Variants in HOXD11 observed in about 807,000 individuals in gnomAD.
HOXD11 encodes homeobox protein Hox-D11.
HOXD11 carries 16 observed loss-of-function variants against 23.1 expected under a neutral mutation model. The ratio of observed to expected loss-of-function variants is 0.69; its 90% CI spans 0.47 to 1.05. The LOEUF (loss-of-function observed/expected upper bound fraction) is 1.05, where lower values mean the gene tolerates loss of function less well. Ranked by LOEUF, HOXD11 falls within the 50% of genes least tolerant of loss-of-function variation. The pLI is 0.00. For synonymous variants in HOXD11, 262 were observed against 224.4 expected, an observed-to-expected ratio of 1.17 and a Z score of -1.50; for missense variants, 564 against 495.6, an observed-to-expected ratio of 1.14 and a Z score of -1.31.
rs756429393 is a variant in HOXD11, at chr2:176,107,779, A to C, written c.424A>C (p.Lys142Gln). ...GGGCCGCCGGCCGGACGTGCTCTTC[A>C]AGGCGCCTGAGCCGGTGTGCGCTGC... is the stretch of plus-strand genomic sequence containing the variant. ...PAGRRPDVLF[K>Q]APEPVCAAPG... is the part of the protein sequence containing the mutation. The change falls in exon 1 of 2, where the codon AAG becomes CAG. Residue 142 changes from lysine to glutamine, a missense_variant. Transcript: ENST00000249504. 6.1e-6 allele frequency: 8 copies of C among 1,310,284 alleles called. No individual in the cohort carries two copies. In the South Asian group the frequency reaches 1.6e-4, roughly 27 times the overall value. 81.2% of individuals were successfully genotyped at this position (1,310,284 alleles called of 1,614,324 possible).
chr2:176,107,853 C>A lies in HOXD11; in HGVS notation c.498C>A (p.Ser166Arg), dbSNP rs1236642625. Residue 166 changes from serine to arginine, a missense_variant, in exon 1 of 2, where the codon AGC (serine) becomes AGA (arginine). Physicochemically the swap from Ser to Arg is moderately radical, Grantham distance 110. Coordinates refer to ENST00000249504, the MANE Select transcript of HOXD11 (RefSeq NM_021192.3). ...GPAGAASNFY[S>R]AVGRNGILPQ... ...CGGGCGCCGCCTCCAACTTCTACAG[C>A]GCGGTGGGCCGCAATGGCATCTTGC... 10 of 1,448,758 alleles carry A rather than the reference C, an allele frequency of 6.9e-6. No individual in the cohort carries two copies. The highest frequency in any genetic ancestry group is 9.1e-6 in the Non-Finnish European group (10 of 1,098,230). 89.7% of individuals were successfully genotyped at this position (1,448,758 alleles called of 1,614,324 possible).
chr2:176,113,073 C>T (rs1008813639), downstream of HOXD11, among the ~76,000 whole-genome samples: 1 of 152,158 alleles, frequency 6.6e-6, no homozygotes, highest in Non-Finnish European at 1.5e-5. Context: ...TGGATAGACC[C>T]CTTATTGCAT....
chr2:176,111,850 C>A (rs1441065569), downstream of HOXD11, among the ~76,000 whole-genome samples: 6 of 38,426 alleles, frequency 1.6e-4, no homozygotes, highest in African/African-American at 7.2e-4. Context: ...AAAAAAAAAA[C>A]CTTCATCGGT....
chr2:176,115,212 T>C, the HOXD11 span, among the ~76,000 whole-genome samples: 1 of 152,216 alleles, frequency 6.6e-6, no homozygotes, highest in Non-Finnish European at 1.5e-5. Flanking sequence ...GACCATATCC[T>C]CTTCATAGAA....
Position 176,107,802 on chromosome 2 carries a change from TGCGCCGGGGCCGCCGCACGGCCCC to T in HOXD11, c.451_474del (p.Pro151_Ala158del), listed in dbSNP as rs1349742707. On this transcript the variant is annotated inframe_deletion, in exon 1 of 2. Transcript: ENST00000249504. ...TCAAGGCGCCTGAGCCGGTGTGCGCTGCGCCGGGGCCGCCGCACGGCCCCGCGGGCGCCGCCTCCAACTTCTACA... is the reference window on the plus strand; with the variant it reads ...TCAAGGCGCCTGAGCCGGTGTGCGCTGCGGGCGCCGCCTCCAACTTCTACA... The T allele has an allele frequency of 7.2e-7, 1 of 1,386,414 alleles. No individual in the cohort carries two copies. 85.9% of individuals were successfully genotyped at this position (1,386,414 alleles called of 1,614,324 possible).
chr2:176,107,754 G>T lies in HOXD11; in HGVS notation c.399G>T (p.Ala133=). The part of the protein sequence containing the change: ...AAMQRELLPP[A]GRRPDVLFKA... ...TGCAACGCGAGCTTCTCCCGCCCGC[G>T]GGCCGCCGGCCGGACGTGCTCTTCA... The change falls in exon 1 of 2, where the codon GCG becomes GCT. Residue 133 remains alanine, a synonymous_variant. Transcript: ENST00000249504. 1 of 1,210,748 alleles carries T rather than the reference G, an allele frequency of 8.3e-7. No homozygotes were observed. Among genetic ancestry groups the T allele is most frequent in the Non-Finnish European group, 1.0e-6 (1 of 978,042 alleles). 75.0% of individuals were successfully genotyped at this position (1,210,748 alleles called of 1,614,324 possible).
chr2:176,109,112 G>T lies in HOXD11; in HGVS notation c.987G>T (p.Leu329=). The T allele has an allele frequency of 6.2e-7, 1 of 1,613,800 alleles. No individual in the cohort carries two copies. The highest frequency in any genetic ancestry group is 8.5e-7 in the Non-Finnish European group (1 of 1,179,668). ...MKEKKLNRDR[L]QYFTGNPLF ...AAAAGAAACTGAACAGAGACCGTCT[G>T]CAGTATTTCACTGGAAACCCCTTAT... is the stretch of plus-strand genomic sequence containing the variant. Residue 329 remains leucine (L), a synonymous_variant, in exon 2 of 2, where the codon CTG becomes CTT. Coordinates refer to ENST00000249504, the MANE Select transcript of HOXD11 (RefSeq NM_021192.3).
chr2:176,115,604 T>C, the HOXD11 span, among the ~76,000 whole-genome samples: 2 of 152,230 alleles, frequency 1.3e-5, no homozygotes. Flanking sequence ...AGCCCAAGAA[T>C]GTAGATGAGA....
At chr2:176,108,168 C>CG in intron 1 of HOXD11, 32 bp downstream of exon 1, 1 of 407,740 alleles carries the variant, frequency 2.5e-6, no homozygotes, top group Non-Finnish European at 3.0e-6. Context: ...AGCGGTGGGC[C>CG]CGGGGGCCGC....
rs1378275780 is a variant in HOXD11, at chr2:176,108,099, C to G, written c.744C>G (p.Pro248=). 4 of 1,462,042 alleles carry G rather than the reference C, an allele frequency of 2.7e-6. No homozygotes were observed. The African/African-American group carries it at 4.5e-5, about 16-fold the overall frequency. 90.6% of individuals were successfully genotyped at this position (1,462,042 alleles called of 1,614,324 possible). Residue 248 remains proline (P), a synonymous_variant, in exon 1 of 2, where the codon CCC becomes CCG. Coordinates refer to ENST00000249504, the MANE Select transcript of HOXD11 (RefSeq NM_021192.3). The part of the protein sequence containing the change: ...AEGSGGDGEG[P]PGEAGAEKSS... Reference sequence around the variant, plus strand: ...GCAGCGGTGGCGACGGCGAGGGCCCCCCGGGAGAGGCGGGGGCCGAGAAGA... The same window carrying G: ...GCAGCGGTGGCGACGGCGAGGGCCCGCCGGGAGAGGCGGGGGCCGAGAAGA...
At position 176,107,621 on chromosome 2, in the gene HOXD11, G is replaced by A; in HGVS notation, c.266G>A (p.Ser89Asn). ...GGGGSAGGGS[S>N]GGGPGGGGGG... ...GGCGGCAGCGCGGGGGGCGGCAGCA[G>A]CGGGGGCGGCCCCGGCGGGGGCGGC... The change falls in exon 1 of 2, where the codon AGC becomes AAC. Residue 89 changes from serine (S) to asparagine (N), a missense_variant. Physicochemically the swap from Ser to Asn is conservative, Grantham distance 46 (BLOSUM62 1). Coordinates refer to ENST00000249504, the MANE Select transcript of HOXD11 (RefSeq NM_021192.3). The A allele has an allele frequency of 2.8e-6, 3 of 1,083,400 alleles. No homozygotes were observed. Among genetic ancestry groups the A allele is most frequent in the Non-Finnish European group, 2.3e-6 (2 of 885,262 alleles). The allele number at this position is 1,083,400 out of a possible 1,614,324, so 67.1% of individuals were successfully genotyped here.
In HOXD11 at chr2:176,107,380, C is replaced by A. The variant is rs376820727; in HGVS notation, c.25C>A (p.Gln9Lys). The A allele has an allele frequency of 8.7e-6, 14 of 1,611,102 alleles. No individual in the cohort carries two copies. Among genetic ancestry groups the A allele is most frequent in the Non-Finnish European group, 1.0e-5 (12 of 1,179,006 alleles). The change falls in exon 1 of 2, where the codon CAG becomes AAG. Residue 9 changes from glutamine to lysine, a missense_variant. Physicochemically the swap from Gln to Lys is moderately conservative, Grantham distance 53. Transcript: ENST00000249504. ...CATGAACGACTTTGACGAGTGCGGC[C>A]AGAGCGCAGCCAGCATGTACCTGCC... MNDFDECGQSAASMYLPGC... is the reference protein window; with the variant it reads MNDFDECGKSAASMYLPGC...
rs746902459 is a variant in HOXD11 at position 176,107,909 on chromosome 2, C to T, written c.554C>T (p.Ala185Val). 1.4e-6 allele frequency: 2 copies of T among 1,433,744 alleles called. No individual in the cohort carries two copies. The highest frequency in any genetic ancestry group is 1.4e-5 in the South Asian group (1 of 71,016). The allele number at this position is 1,433,744 out of a possible 1,614,324, so 88.8% of individuals were successfully genotyped here. A position where few individuals can be genotyped will look rare whatever the true frequency, so the allele number is the denominator to read the frequency against. The change falls in exon 1 of 2, where the codon GCG (alanine) becomes GTG (valine). Residue 185 changes from alanine (A) to valine (V), a missense_variant. Ala to Val is a moderately conservative substitution (Grantham distance 64). Coordinates refer to ENST00000249504, the MANE Select transcript of HOXD11 (RefSeq NM_021192.3). The stretch of plus-strand genomic sequence containing the variant: ...GGCTTCGACCAGTTCTACGAGGCAG[C>T]GCCCGGGCCCCCGTTCGCCGGGCCG... Reference protein sequence around the residue: ...PQGFDQFYEAAPGPPFAGPQP... With the variant: ...PQGFDQFYEAVPGPPFAGPQP...
intron 1 of HOXD11, chr2:176,108,659 C>CTG (rs56323681): frequency 0.1 from 32,809 of 323,638 alleles, 792 homozygotes; most frequent in South Asian, 0.2. Flanking sequence ...GTGCCAGGCT[C>CTG]TGTGTGTGTG....
At position 176,107,780 on chromosome 2, in the gene HOXD11, A is replaced by G. The variant is rs1689603658; in HGVS notation, c.425A>G (p.Lys142Arg). 7.6e-7 allele frequency: 1 copy of G among 1,311,318 alleles called. No individual in the cohort carries two copies. 81.2% of individuals were successfully genotyped at this position (1,311,318 alleles called of 1,614,324 possible). ...PAGRRPDVLF[K>R]APEPVCAAPG... The stretch of plus-strand genomic sequence containing the variant: ...GGCCGCCGGCCGGACGTGCTCTTCA[A>G]GGCGCCTGAGCCGGTGTGCGCTGCG... The change falls in exon 1 of 2, where the codon AAG (lysine) becomes AGG (arginine). Residue 142 changes from lysine (K) to arginine (R), a missense_variant. Coordinates refer to ENST00000249504, the MANE Select transcript of HOXD11 (RefSeq NM_021192.3).
At chr2:176,108,713 A>G (rs1574949781) in intron 1 of HOXD11, 194 bp from the exon 2 acceptor site, 2 of 567,512 alleles carry the variant, frequency 3.5e-6, no homozygotes, top group East Asian at 5.8e-5. Context: ...GCGTGAACAC[A>G]TGTCCACGCC....
downstream of HOXD11, among the ~76,000 whole-genome samples, chr2:176,113,321 A>T (rs886547239): frequency 6.6e-6 from 1 of 152,224 alleles, no homozygotes; most frequent in African/African-American, 2.4e-5. Context: ...AAGAGTGCAG[A>T]TGCAAGCCAC....
At chr2:176,110,217 G>A (rs530418362), downstream of HOXD11, among the ~76,000 whole-genome samples, 111 of 152,296 alleles carry the variant, frequency 7.3e-4, 1 homozygote, top group Admixed American at 6.5e-3. Context: ...GGCATTTATC[G>A]CTTCAAGTTA....
Position 176,108,115 on chromosome 2 carries a change from G to T in HOXD11, c.760G>T (p.Ala254Ser). Residue 254 changes from alanine to serine, a missense_variant, in exon 1 of 2, where the codon GCC becomes TCC. Ala to Ser is a moderately conservative substitution (Grantham distance 99, BLOSUM62 1). Transcript: ENST00000249504. ...CGAGGGCCCCCCGGGAGAGGCGGGG[G>T]CCGAGAAGAGCAGCAGCGCAGGTAG... is the stretch of plus-strand genomic sequence containing the variant. ...DGEGPPGEAG[A>S]EKSSSAVAPQ... 1 of 1,436,860 alleles carries T rather than the reference G, an allele frequency of 7.0e-7. No individual in the cohort carries two copies. The highest frequency in any genetic ancestry group is 1.4e-5 in the South Asian group (1 of 72,166). The allele number at this position is 1,436,860 out of a possible 1,614,324, so 89.0% of individuals were successfully genotyped here.
Sources: gnomAD v4.1 joint callset for allele counts (sites outside exome capture counted in the v4.1 genomes callset) on GRCh38, gnomAD v4.1.1 for gene constraint, MANE v1.5 for transcripts, NCBI Gene and HGNC (gene_info 2026-07-23, HGNC 2026-07-21) for gene names.